The following EVL variants were observed in gnomAD, a reference collection of about 807,000 sequenced individuals.
The protein encoded by EVL is Enah/Vasp-like.
Under a neutral mutation model 59.6 loss-of-function variants are expected in EVL, and 21 were observed. The observed-to-expected ratio is 0.35, with a 90% CI of 0.25 to 0.51. EVL has a LOEUF of 0.51. EVL is among the 20% of genes least tolerant of loss of function. The probability of loss-of-function intolerance (pLI) is 0.97; values close to 1 mark genes in which losing one functional copy is unlikely to be tolerated. For missense variants in EVL, 462 were observed against 546.6 expected, an observed-to-expected ratio of 0.85 and a Z score of 1.54; for synonymous variants, 198 against 203.5, an observed-to-expected ratio of 0.97 and a Z score of 0.23.
intron 1 of EVL, among the ~76,000 whole-genome samples, chr14:100,025,076 C>T (rs1316441450): frequency 6.6e-6 from 1 of 152,176 alleles, no homozygotes; most frequent in Non-Finnish European, 1.5e-5. Flanking sequence ...AACTGCCCTC[C>T]AAGCTTTCTG....
intron 1 of EVL, among the ~76,000 whole-genome samples, chr14:99,981,400 C>T (rs929344709): frequency 1.3e-5 from 2 of 152,000 alleles, no homozygotes; most frequent in African/African-American, 2.4e-5. Context: ...CATTGCACTC[C>T]GGCCTGGGCA....
intron 1 of EVL, among the ~76,000 whole-genome samples, chr14:100,001,629 C>T (rs149825448): frequency 0.027 from 4,162 of 152,266 alleles, 81 homozygotes; most frequent in Non-Finnish European, 0.041. Context: ...CAAGCCCAGC[C>T]GTGGATTTGT....
chr14:100,122,544 G>T (rs1341108251), intron 3 of EVL, among the ~76,000 whole-genome samples: 1 of 152,222 alleles, frequency 6.6e-6, no homozygotes, highest in Non-Finnish European at 1.5e-5. Context: ...TATGAAGTAG[G>T]AGGGAACAGG....
intron 3 of EVL, chr14:100,102,572 C>G: frequency 2.9e-6 from 1 of 347,016 alleles, no homozygotes; most frequent in Non-Finnish European, 5.7e-6. Context: ...GGCTCTTCCT[C>G]GTCTGGCTTC....
chr14:100,022,792 T>C (rs963003541), intron 1 of EVL, among the ~76,000 whole-genome samples: 1 of 152,214 alleles, frequency 6.6e-6, no homozygotes, highest in Non-Finnish European at 1.5e-5. Context: ...GCAAGCAAGC[T>C]ATCCAGCTAG....
Position 100,143,788 on chromosome 14 carries a change from A to ACGG in EVL, c.*51_*52insGGC. 6.3e-7 allele frequency: 1 copy of ACGG among 1,596,586 alleles called. No individual in the cohort carries two copies. Among genetic ancestry groups the ACGG allele is most frequent in the Non-Finnish European group, 8.5e-7 (1 of 1,171,698 alleles). Reference sequence around the variant, plus strand: ...CGTCGAGCCCATCCGGCGACAGAGGACAGCCAGAAGCCCAGCCAGCCCCAG... The same window carrying ACGG: ...CGTCGAGCCCATCCGGCGACAGAGGACGGCAGCCAGAAGCCCAGCCAGCCCCAG... On this transcript the variant is annotated 3_prime_UTR_variant, in exon 14 of 14. Coordinates refer to ENST00000392920, the MANE Select transcript of EVL (RefSeq NM_016337.3).
intron 3 of EVL, among the ~76,000 whole-genome samples, chr14:100,100,784 CA>C (rs60820079): frequency 0.24 from 11,419 of 47,682 alleles, 436 homozygotes; most frequent in African/African-American, 0.39. Flanking sequence ...GAGTCTGTCT[CA>C]AAAAAAAAAA....
At chr14:100,020,238 TG>T (rs572785577) in intron 1 of EVL, among the ~76,000 whole-genome samples, 1 of 152,208 alleles carries the variant, frequency 6.6e-6, no homozygotes, top group Non-Finnish European at 1.5e-5. Context: ...CAGGGCTCTT[TG>T]CTTTCGTATG....
At chr14:100,014,455 A>ACAGG (rs927058684) in intron 1 of EVL, among the ~76,000 whole-genome samples, 1 of 152,200 alleles carries the variant, frequency 6.6e-6, no homozygotes, top group African/African-American at 2.4e-5. Flanking sequence ...GTTGCAGATG[A>ACAGG]CAGGACTCAT....
At chr14:100,084,899 A>G (rs752986175) in intron 2 of EVL, 44 bp downstream of exon 2, 1 of 1,598,910 alleles carries the variant, frequency 6.3e-7, no homozygotes, top group Non-Finnish European at 8.5e-7. Context: ...CCTGCGCACC[A>G]CCTCCTCACC....
intron 2 of EVL, among the ~76,000 whole-genome samples, chr14:100,096,706 T>C (rs1297038112): frequency 6.6e-6 from 1 of 152,222 alleles, no homozygotes; most frequent in Non-Finnish European, 1.5e-5. Context: ...AATAATCTTC[T>C]TTTAAATCTC....
chr14:100,017,476 T>C (rs559574615), intron 1 of EVL, among the ~76,000 whole-genome samples: 8 of 152,334 alleles, frequency 5.3e-5, no homozygotes, highest in South Asian at 2.1e-4. Flanking sequence ...AAGATACTTA[T>C]GTAACTTAAT....
chr14:99,980,330 A>G (rs1020608172), intron 1 of EVL, among the ~76,000 whole-genome samples: 1 of 152,226 alleles, frequency 6.6e-6, no homozygotes, highest in Non-Finnish European at 1.5e-5. Context: ...CCGTGCAGGC[A>G]TCTGGATCCC....
intron 2 of EVL, among the ~76,000 whole-genome samples, chr14:100,090,183 GA>G (rs987966198): frequency 3.3e-5 from 5 of 151,634 alleles, no homozygotes; most frequent in South Asian, 2.1e-4. Flanking sequence ...TTGGTTCTTT[GA>G]AAAAAAATTA....
chr14:99,973,709 C>T (rs1290613979), intron 1 of EVL, among the ~76,000 whole-genome samples: 1 of 152,162 alleles, frequency 6.6e-6, no homozygotes, highest in African/African-American at 2.4e-5. Flanking sequence ...GTGATCAACC[C>T]GCCTTGGCCT....
chr14:99,983,003 G>A (rs1034856979), intron 1 of EVL, among the ~76,000 whole-genome samples: 1 of 152,176 alleles, frequency 6.6e-6, no homozygotes, highest in Admixed American at 6.5e-5. Flanking sequence ...GAAGTTCTCA[G>A]CTTATGATAT....
intron 1 of EVL, among the ~76,000 whole-genome samples, chr14:100,070,556 G>A (rs376056344): frequency 2.0e-5 from 3 of 152,198 alleles, no homozygotes; most frequent in South Asian, 2.1e-4. Context: ...ATGCTCTGTC[G>A]GCTCAGGATC....
chr14:100,116,327 G>A (rs1020014209), intron 3 of EVL, among the ~76,000 whole-genome samples: 1 of 152,138 alleles, frequency 6.6e-6, no homozygotes, highest in Non-Finnish European at 1.5e-5. Flanking sequence ...GGTGGCTGTC[G>A]TTTGTTGGCC....
upstream of EVL, among the ~76,000 whole-genome samples, chr14:100,063,239 G>A (rs965867256): frequency 1.3e-5 from 2 of 152,206 alleles, no homozygotes; most frequent in African/African-American, 2.4e-5. Flanking sequence ...CTTAAAAGTA[G>A]AGAACCTGTC....
Sources: allele counts gnomAD v4.1 joint callset (sites outside exome capture counted in the v4.1 genomes callset), GRCh38; gene constraint gnomAD v4.1.1; transcripts MANE v1.5; gene names NCBI Gene and HGNC (gene_info 2026-07-23, HGNC 2026-07-21).